The following EGFLAM variants were observed in gnomAD, a reference collection of about 807,000 sequenced individuals.
EGFLAM encodes pikachurin.
Under a neutral mutation model 113.1 loss-of-function variants are expected in EGFLAM, and 79 were observed. The ratio of observed to expected loss-of-function variants is 0.70; its 90% CI spans 0.58 to 0.84. The LOEUF (loss-of-function observed/expected upper bound fraction) is 0.84, where lower values mean the gene tolerates loss of function less well. EGFLAM is among the 40% of genes least tolerant of loss of function. The pLI is 0.00. For synonymous variants in EGFLAM, 504 were observed against 487.6 expected, an observed-to-expected ratio of 1.03 and a Z score of -0.44; for missense variants, 1,265 against 1,291.6, an observed-to-expected ratio of 0.98 and a Z score of 0.32.
chr5:38,336,460 G>T (rs13167536), intron 1 of EGFLAM, among the ~76,000 whole-genome samples: 57,881 of 151,756 alleles, frequency 0.38, 13,259 homozygotes, highest in South Asian at 0.5. Context: ...TGTAGTCCCA[G>T]CTACTCCGGA....
chr5:38,428,866 A>G (rs377292374), intron 14 of EGFLAM, among the ~76,000 whole-genome samples: 28 of 152,364 alleles, frequency 1.8e-4, no homozygotes, highest in African/African-American at 6.7e-4. Context: ...AACTGGAAAA[A>G]GAATTTTTAA....
chr5:38,268,217 A>G (rs1397201619), intron 1 of EGFLAM, among the ~76,000 whole-genome samples: 1 of 152,182 alleles, frequency 6.6e-6, no homozygotes, highest in East Asian at 1.9e-4. Flanking sequence ...GTGGCTTGAC[A>G]CAAAATTTAT....
At chr5:38,294,887 G>A (rs1435550166) in intron 1 of EGFLAM, among the ~76,000 whole-genome samples, 6 of 152,204 alleles carry the variant, frequency 3.9e-5, no homozygotes, top group South Asian at 2.1e-4. Flanking sequence ...GTGCAATGGC[G>A]CAGTCTCGGC....
chr5:38,456,839 A>C (rs575732202), intron 19 of EGFLAM, among the ~76,000 whole-genome samples: 2 of 152,370 alleles, frequency 1.3e-5, no homozygotes, highest in South Asian at 4.1e-4. Context: ...GAGTCATCCC[A>C]GGTGGAACAT....
intron 20 of EGFLAM, 70 bp downstream of exon 20, chr5:38,458,464 T>G (rs1223598313): frequency 4.7e-6 from 7 of 1,490,032 alleles, no homozygotes; most frequent in Non-Finnish European, 5.5e-6. Flanking sequence ...CCAGTTCCCT[T>G]GTAGTCCCAC....
intron 1 of EGFLAM, among the ~76,000 whole-genome samples, chr5:38,310,895 C>T (rs1738424004): frequency 6.6e-6 from 1 of 152,118 alleles, no homozygotes; most frequent in Non-Finnish European, 1.5e-5. Flanking sequence ...GAGGGTGACA[C>T]TTTGGCTATG....
At chr5:38,280,954 G>A (rs1465797876) in intron 1 of EGFLAM, among the ~76,000 whole-genome samples, 1 of 152,204 alleles carries the variant, frequency 6.6e-6, no homozygotes, top group Non-Finnish European at 1.5e-5. Context: ...AGTAACTATA[G>A]TGTAAGAGAA....
At chr5:38,327,378 G>A (rs1738918834) in intron 1 of EGFLAM, among the ~76,000 whole-genome samples, 1 of 152,136 alleles carries the variant, frequency 6.6e-6, no homozygotes, top group African/African-American at 2.4e-5. Context: ...TTTTAAAATT[G>A]GGAAAACAAT....
chr5:38,441,830 G>A (rs1742544270), intron 17 of EGFLAM, among the ~76,000 whole-genome samples: 1 of 152,074 alleles, frequency 6.6e-6, no homozygotes, highest in Non-Finnish European at 1.5e-5. Context: ...ACTAAGCTTT[G>A]GCCCTTGCTT....
intron 12 of EGFLAM, 90 bp from the exon 13 acceptor site, chr5:38,424,877 C>G: frequency 1.3e-6 from 2 of 1,525,214 alleles, no homozygotes; most frequent in Middle Eastern, 1.9e-4. Flanking sequence ...TGTATTTATT[C>G]AGAACCATGA....
At chr5:38,457,741 G>A in intron 19 of EGFLAM, among the ~76,000 whole-genome samples, 1 of 152,136 alleles carries the variant, frequency 6.6e-6, no homozygotes, top group East Asian at 1.9e-4. Flanking sequence ...ACATGATAAA[G>A]CCCTTCTTGT....
intron 1 of EGFLAM, among the ~76,000 whole-genome samples, chr5:38,260,400 G>A (rs1360554010): frequency 6.6e-6 from 1 of 152,162 alleles, no homozygotes; most frequent in Non-Finnish European, 1.5e-5. Context: ...TTTTTAAAAA[G>A]CATTTTATAA....
At chr5:38,272,437 G>T (rs887555578) in intron 1 of EGFLAM, among the ~76,000 whole-genome samples, 1 of 152,116 alleles carries the variant, frequency 6.6e-6, no homozygotes, top group Admixed American at 6.5e-5. Context: ...TGATTGAAAA[G>T]GTCAAGTTGC....
At chr5:38,263,944 C>T (rs1757567242) in intron 1 of EGFLAM, among the ~76,000 whole-genome samples, 1 of 152,126 alleles carries the variant, frequency 6.6e-6, no homozygotes, top group Admixed American at 6.5e-5. Flanking sequence ...AGCTCTCAAG[C>T]TACAGTGGCT....
chr5:38,442,539 GA>G (rs1284617856), intron 17 of EGFLAM, among the ~76,000 whole-genome samples: 1 of 151,658 alleles, frequency 6.6e-6, no homozygotes, highest in Non-Finnish European at 1.5e-5. Flanking sequence ...TGTTATATAG[GA>G]AAAAAATTTC....
At chr5:38,345,010 C>G (rs181091140) in intron 3 of EGFLAM, among the ~76,000 whole-genome samples, 2 of 152,256 alleles carry the variant, frequency 1.3e-5, no homozygotes, top group Admixed American at 6.5e-5. Context: ...ACGAGTCATC[C>G]AGGTGACAGA....
In EGFLAM at chr5:38,418,168, G is replaced by A; in HGVS notation, c.1597G>A (p.Gly533Ser). The A allele has an allele frequency of 2.5e-6, 4 of 1,614,204 alleles. No individual in the cohort carries two copies. Among genetic ancestry groups the A allele is most frequent in the Non-Finnish European group, 3.4e-6 (4 of 1,180,032 alleles). Residue 533 changes from glycine to serine, a missense_variant, in exon 12 of 22, where the codon GGC becomes AGC. By Grantham distance (56) the Gly-to-Ser change is moderately conservative. Coordinates refer to ENST00000322350, the MANE Select transcript of EGFLAM (RefSeq NM_152403.4). ...RATGTNRGFQ[G>S]CVQSLAVNGR... ...AACAGGGACAAACCGAGGCTTTCAAGGCTGTGTGCAGTCGCTCGCTGTGAA... is the reference window on the plus strand; with the variant it reads ...AACAGGGACAAACCGAGGCTTTCAAAGCTGTGTGCAGTCGCTCGCTGTGAA...
intron 20 of EGFLAM, among the ~76,000 whole-genome samples, chr5:38,458,904 C>A: frequency 6.6e-6 from 1 of 151,720 alleles, no homozygotes; most frequent in Non-Finnish European, 1.5e-5. Context: ...CCGCTTAAGC[C>A]TGGGAGGTGG....
At chr5:38,404,798 AC>A (rs1741226997) in intron 6 of EGFLAM, among the ~76,000 whole-genome samples, 1 of 152,122 alleles carries the variant, frequency 6.6e-6, no homozygotes, top group Non-Finnish European at 1.5e-5. Context: ...GCAAGTTAAT[AC>A]CTGTGCTGGC....
Sources: allele counts gnomAD v4.1 joint callset (sites outside exome capture counted in the v4.1 genomes callset), GRCh38; gene constraint gnomAD v4.1.1; transcripts MANE v1.5; gene names NCBI Gene and HGNC (gene_info 2026-07-23, HGNC 2026-07-21).